Variants in NIBAN3 observed in about 807,000 individuals in gnomAD.
NIBAN3 encodes protein Niban 3.
A neutral mutation model predicts 76.4 loss-of-function variants in NIBAN3; 66 were observed. That is an observed-to-expected ratio of 0.86 (90% confidence interval 0.71 to 1.06). NIBAN3 has a LOEUF of 1.06. Among genes scored for constraint, NIBAN3 ranks in the 50% least tolerant of loss-of-function variants. NIBAN3 has a pLI of 0.00. For missense variants in NIBAN3, 808 were observed against 810.7 expected, an observed-to-expected ratio of 1.00 and a Z score of 0.04; for synonymous variants, 360 against 355.2, an observed-to-expected ratio of 1.01 and a Z score of -0.15.
chr19:17,535,396 T>C (rs1450761103), intron 4 of NIBAN3, among the ~76,000 whole-genome samples: 1 of 152,158 alleles, frequency 6.6e-6, no homozygotes, highest in Non-Finnish European at 1.5e-5. Flanking sequence ...CTGTGAACTA[T>C]GATCACACCA....
intron 1 of NIBAN3, 100 bp downstream of exon 1, chr19:17,527,495 C>T: frequency 7.9e-7 from 1 of 1,270,002 alleles, no homozygotes; most frequent in Non-Finnish European, 1.0e-6. Context: ...TCGGTTCAGA[C>T]CTAGGGCTGT....
intron 5 of NIBAN3, among the ~76,000 whole-genome samples, chr19:17,538,198 C>T (rs923044276): frequency 9.9e-5 from 15 of 151,998 alleles, no homozygotes; most frequent in East Asian, 1.9e-4. Flanking sequence ...GGGAGGATCA[C>T]GAGGTCAGGA....
chr19:17,523,398 T>C (rs1451680660), upstream of NIBAN3: 11 of 1,538,850 alleles, frequency 7.1e-6, no homozygotes, highest in African/African-American at 1.4e-5. Flanking sequence ...TTCAACGTCT[T>C]GTCCCGGCAG....
At chr19:17,549,199 T>C (rs1395825618) in intron 13 of NIBAN3, among the ~76,000 whole-genome samples, 1 of 152,132 alleles carries the variant, frequency 6.6e-6, no homozygotes, top group Non-Finnish European at 1.5e-5. Context: ...CCATCCTGAA[T>C]TGATTTGTGA....
chr19:17,534,576 A>G (rs899645971), intron 4 of NIBAN3, among the ~76,000 whole-genome samples: 3 of 152,000 alleles, frequency 2.0e-5, no homozygotes, highest in East Asian at 1.9e-4. Flanking sequence ...CAGATCATGA[A>G]GTCAGGAGAT....
chr19:17,546,550 A>G, intron 12 of NIBAN3, 136 bp from the exon 13 acceptor site: 2 of 1,275,934 alleles, frequency 1.6e-6, no homozygotes, highest in Non-Finnish European at 9.9e-7. Context: ...AAAAATAAAG[A>G]TAAGGAAACT....
chr19:17,526,932 G>A (rs1457408203), upstream of NIBAN3, among the ~76,000 whole-genome samples: 5 of 152,066 alleles, frequency 3.3e-5, no homozygotes, highest in Non-Finnish European at 7.4e-5. Flanking sequence ...CAGCCTCACC[G>A]GGCACAGGGT....
At chr19:17,532,705 C>G (rs1243097741) in intron 3 of NIBAN3, among the ~76,000 whole-genome samples, 2 of 152,170 alleles carry the variant, frequency 1.3e-5, no homozygotes, top group African/African-American at 4.8e-5. Flanking sequence ...TTGGAGCGAT[C>G]ACTACCTTTC....
intron 1 of NIBAN3, among the ~76,000 whole-genome samples, chr19:17,529,587 C>G (rs1002986538): frequency 9.9e-5 from 15 of 152,242 alleles, no homozygotes; most frequent in African/African-American, 3.6e-4. Flanking sequence ...ATACAGCACA[C>G]CTCCATCACT....
At chr19:17,551,241 G>A (rs1245650232) in intron 14 of NIBAN3, among the ~76,000 whole-genome samples, 8 of 151,360 alleles carry the variant, frequency 5.3e-5, no homozygotes, top group Admixed American at 3.3e-4. Flanking sequence ...GATTACAGGC[G>A]TCCACCACCA....
intron 12 of NIBAN3, chr19:17,546,484 G>A: frequency 9.8e-7 from 1 of 1,018,252 alleles, no homozygotes; most frequent in Non-Finnish European, 1.2e-6. Flanking sequence ...CAAAGTGCTG[G>A]GATTACAGGC....
Position 17,546,807 on chromosome 19 carries a change from G to A in NIBAN3, c.1666+10G>A, listed in dbSNP as rs763278633. On this transcript the variant is annotated intron_variant, in intron 13 of 14. Coordinates refer to ENST00000599164, the MANE Select transcript of NIBAN3 (RefSeq NM_001321827.2). ...CAGAGGATTGACCAAGGTGAGTCCC[G>A]CCCTGCCATGGCTCAGAGGAGCCTG... is the stretch of plus-strand genomic sequence containing the variant. 2.4e-5 allele frequency: 38 copies of A among 1,581,734 alleles called. No homozygotes were observed. Among genetic ancestry groups the A allele is most frequent in the Non-Finnish European group, 2.6e-5 (30 of 1,164,936 alleles).
intron 14 of NIBAN3, among the ~76,000 whole-genome samples, chr19:17,550,843 C>T (rs1262956489): frequency 1.3e-4 from 12 of 91,554 alleles, no homozygotes; most frequent in Non-Finnish European, 1.8e-4. Flanking sequence ...CTTGTACATA[C>T]TTTTTTTTTT....
intron 4 of NIBAN3, among the ~76,000 whole-genome samples, chr19:17,534,243 G>A (rs145048825): frequency 0.059 from 8,912 of 152,176 alleles, 272 homozygotes; most frequent in South Asian, 0.086. Flanking sequence ...GGCTGGGCAC[G>A]GTGGCTCATG....
chr19:17,553,220 A>G lies in NIBAN3; in HGVS notation c.*1322A>G. The G allele has an allele frequency of 6.5e-7, 1 of 1,528,590 alleles. No homozygotes were observed. Among genetic ancestry groups the G allele is most frequent in the Non-Finnish European group, 8.8e-7 (1 of 1,140,924 alleles). The allele number at this position is 1,528,590 out of a possible 1,614,324, so 94.7% of individuals were successfully genotyped here. A position where few individuals can be genotyped will look rare whatever the true frequency, so the allele number is the denominator to read the frequency against. ...TCTTATTGATATCTAATAACTCTTT[A>G]TATCTGAAGGATATGAACGCTTTGT... is the stretch of plus-strand genomic sequence containing the variant. On this transcript the variant is annotated 3_prime_UTR_variant, in exon 15 of 15. Transcript: ENST00000599164.
intron 1 of NIBAN3, 108 bp from the exon 2 acceptor site, chr19:17,530,647 G>A (rs2075703344): frequency 9.7e-7 from 1 of 1,034,634 alleles, no homozygotes; most frequent in Non-Finnish European, 1.3e-6. Context: ...GGAAGCTCAG[G>A]ATGACTACAG....
chr19:17,533,762 GC>G, intron 4 of NIBAN3, 61 bp downstream of exon 4: 1 of 1,287,004 alleles, frequency 7.8e-7, no homozygotes, highest in Non-Finnish European at 1.1e-6. Context: ...AACATGTGGG[GC>G]CAGATCATTC....
intron 5 of NIBAN3, among the ~76,000 whole-genome samples, chr19:17,538,916 C>T (rs1293756174): frequency 6.6e-6 from 1 of 152,196 alleles, no homozygotes; most frequent in Non-Finnish European, 1.5e-5. Context: ...GTATGTATGG[C>T]CTGAACTGCT....
chr19:17,539,145 C>T lies in NIBAN3; in HGVS notation c.596-5C>T. ...CAGCAGGCACTGAGGAGCAGCCCCT[C>T]TCAGTCCTGCAGCGAAGCCAGGCCC... On this transcript the variant is annotated splice_region_variant and splice_polypyrimidine_tract_variant and intron_variant, in intron 5 of 14. Coordinates refer to ENST00000599164, the MANE Select transcript of NIBAN3 (RefSeq NM_001321827.2). 1 of 1,576,808 alleles carries T rather than the reference C, an allele frequency of 6.3e-7. No individual in the cohort carries two copies. Among genetic ancestry groups the T allele is most frequent in the Non-Finnish European group, 8.6e-7 (1 of 1,161,818 alleles).
Sources: allele counts gnomAD v4.1 joint callset (sites outside exome capture counted in the v4.1 genomes callset), GRCh38; gene constraint gnomAD v4.1.1; transcripts MANE v1.5; gene names NCBI Gene and HGNC (gene_info 2026-07-23, HGNC 2026-07-21).